The following PIK3CD variants were observed in gnomAD, a reference collection of about 807,000 sequenced individuals.
PIK3CD encodes the protein phosphatidylinositol-4,5-bisphosphate 3-kinase catalytic subunit delta, also known as phosphatidylinositol 4,5-bisphosphate 3-kinase catalytic subunit delta isoform.
PIK3CD carries 20 observed loss-of-function variants against 122.9 expected under a neutral mutation model. The observed-to-expected ratio is 0.16, with a 90% CI of 0.11 to 0.24. PIK3CD has a LOEUF of 0.24. Ranked by LOEUF, PIK3CD falls within the 10% of genes least tolerant of loss-of-function variation. PIK3CD has a pLI of 1.00. For synonymous variants in PIK3CD, 596 were observed against 593.4 expected, an observed-to-expected ratio of 1.00 and a Z score of -0.06; for missense variants, 787 against 1,406.3, an observed-to-expected ratio of 0.56 and a Z score of 7.04.
chr1:9,666,227 CTTTTTTT>C (rs573382597), intron 1 of PIK3CD, among the ~76,000 whole-genome samples: 4 of 44,200 alleles, frequency 9.0e-5, no homozygotes, highest in East Asian at 1.1e-3. Flanking sequence ...CGCGCCCGGT[CTTTTTTT>C]TTTTTTTTTT....
chr1:9,722,245 G>A lies in PIK3CD; in HGVS notation c.2236G>A (p.Val746Met). Residue 746 changes from valine (V) to methionine (M), a missense_variant and splice_region_variant, in exon 18 of 24, where the codon GTG (valine) becomes ATG (methionine). Transcript: ENST00000377346. The surrounding 1 kb of genome is among the most constrained non-coding windows in gnomAD (Gnocchi z 7.6). ...DPSTLLAEVCVEQCTFMDSKM... is the reference protein window; with the variant it reads ...DPSTLLAEVCMEQCTFMDSKM... ...ACTGCCCGCTCTCTGGCCTGGCAGC[G>A]TGGAGCAGTGCACCTTCATGGACTC... The A allele has an allele frequency of 1.2e-6, 2 of 1,612,842 alleles. No homozygotes were observed. The highest frequency in any genetic ancestry group is 1.7e-6 in the Non-Finnish European group (2 of 1,179,532).
chr1:9,675,954 G>A (rs1326540140), intron 1 of PIK3CD, among the ~76,000 whole-genome samples: 20 of 140,254 alleles, frequency 1.4e-4, no homozygotes, highest in African/African-American at 5.2e-4. Flanking sequence ...TTTTTGAGAC[G>A]AAGTCTTGCT....
At chr1:9,684,966 CAGGA>C (rs1409983655) in intron 1 of PIK3CD, among the ~76,000 whole-genome samples, 1 of 151,462 alleles carries the variant, frequency 6.6e-6, no homozygotes, top group East Asian at 1.9e-4. Flanking sequence ...GTCACAAACT[CAGGA>C]AGCCTCAATT....
chr1:9,691,692 T>G (rs1334621176), intron 2 of PIK3CD, 121 bp downstream of exon 2: 2 of 393,196 alleles, frequency 5.1e-6, no homozygotes, highest in African/African-American at 4.1e-5. Flanking sequence ...AAGACTTCTC[T>G]GTAGGACTAG....
In PIK3CD at chr1:9,721,142, T is replaced by C; in HGVS notation, c.1705T>C (p.Cys569Arg). ...EDVAQMLYLL[C>R]SWPELPVLSA... is the part of the protein sequence containing the mutation. Reference sequence around the variant, plus strand: ...CTCCCCCCAGATGCTCTACCTGCTGTGCTCCTGGCCGGAGCTGCCCGTCCT... The same window carrying C: ...CTCCCCCCAGATGCTCTACCTGCTGCGCTCCTGGCCGGAGCTGCCCGTCCT... Residue 569 changes from cysteine to arginine, a missense_variant, in exon 14 of 24, where the codon TGC becomes CGC. By Grantham distance (180) the Cys-to-Arg change is radical. This residue lies in a region of PIK3CD where 592 missense variants were observed against 920.6 expected (regional missense o/e 0.64). Transcript: ENST00000377346. 2 of 1,612,320 alleles carry C rather than the reference T, an allele frequency of 1.2e-6. No individual in the cohort carries two copies. Among genetic ancestry groups the C allele is most frequent in the South Asian group, 1.1e-5 (1 of 91,078 alleles).
Position 9,716,092 on chromosome 1 carries a change from T to A in PIK3CD, c.600+14T>A. 2 of 1,601,262 alleles carry A rather than the reference T, an allele frequency of 1.2e-6. No individual in the cohort carries two copies. The highest frequency in any genetic ancestry group is 1.7e-6 in the Non-Finnish European group (2 of 1,171,124). On this transcript the variant is annotated intron_variant, in intron 5 of 23. Transcript: ENST00000377346. ...GAGGGCAGCGAGGTGAGCCCATGCG[T>A]GGCCTGCGGCATCCAGGCTGCTCTG...
chr1:9,714,824 C>A (rs919293830), intron 3 of PIK3CD, among the ~76,000 whole-genome samples: 6 of 152,088 alleles, frequency 3.9e-5, no homozygotes, highest in African/African-American at 1.4e-4. Flanking sequence ...ATGGAGAATT[C>A]TCTTTGGGCC....
chr1:9,692,805 G>A (rs1176981600), intron 2 of PIK3CD, among the ~76,000 whole-genome samples: 3 of 152,140 alleles, frequency 2.0e-5, no homozygotes, highest in African/African-American at 4.8e-5. Flanking sequence ...AACAGCCACT[G>A]TAAGAGAAAC....
At position 9,718,552 on chromosome 1, in the gene PIK3CD, T is replaced by C. The variant is rs995617672; in HGVS notation, c.1021-142T>C. On this transcript the variant is annotated intron_variant, in intron 8 of 23. Coordinates refer to ENST00000377346, the MANE Select transcript of PIK3CD (RefSeq NM_005026.5). The surrounding 1 kb of genome is among the most constrained non-coding windows in gnomAD (Gnocchi z 7.2). ...CCGCTCATGCCCCTCAGGCCTTCCCTGTGCTGCACCACCTTCCTTCGTGTG... is the reference window on the plus strand; with the variant it reads ...CCGCTCATGCCCCTCAGGCCTTCCCCGTGCTGCACCACCTTCCTTCGTGTG... The C allele has an allele frequency of 2.4e-6, 2 of 824,044 alleles. No homozygotes were observed. The highest frequency in any genetic ancestry group is 4.0e-6 in the Non-Finnish European group (2 of 500,026). 51.0% of individuals were successfully genotyped at this position (824,044 alleles called of 1,614,324 possible). A position where few individuals can be genotyped will look rare whatever the true frequency, so the allele number is the denominator to read the frequency against.
At chr1:9,709,611 G>A (rs1025199157) in intron 2 of PIK3CD, among the ~76,000 whole-genome samples, 19 of 151,932 alleles carry the variant, frequency 1.3e-4, no homozygotes, top group African/African-American at 4.1e-4. Context: ...AGGGTGAGAT[G>A]GGAACATCGC....
chr1:9,646,961 A>AT (rs781387311), upstream of PIK3CD, among the ~76,000 whole-genome samples: 487 of 150,908 alleles, frequency 3.2e-3, 5 homozygotes, highest in East Asian at 0.02. Context: ...AAAAAAAAAA[A>AT]TTAGCTGGGC....
In PIK3CD at chr1:9,720,476, G is replaced by C. The variant is rs1256343452; in HGVS notation, c.1471-135G>C. 2 of 1,493,368 alleles carry C rather than the reference G, an allele frequency of 1.3e-6. No individual in the cohort carries two copies. Among genetic ancestry groups the C allele is most frequent in the Admixed American group, 2.2e-5 (1 of 46,362 alleles). 92.5% of individuals were successfully genotyped at this position (1,493,368 alleles called of 1,614,324 possible). A position where few individuals can be genotyped will look rare whatever the true frequency, so the allele number is the denominator to read the frequency against. On this transcript the variant is annotated intron_variant, in intron 11 of 23. Transcript: ENST00000377346. The surrounding 1 kb of genome is among the most constrained non-coding windows in gnomAD (Gnocchi z 9.0). ...CTTGGCATCTCGTGAGTGGAGGCCA[G>C]AGCTGCTGTGGATGCGCCTCCATGC... is the stretch of plus-strand genomic sequence containing the variant.
intron 3 of PIK3CD, among the ~76,000 whole-genome samples, chr1:9,712,573 A>G (rs1647100511): frequency 6.6e-6 from 1 of 152,022 alleles, no homozygotes; most frequent in Non-Finnish European, 1.5e-5. Flanking sequence ...GAGCCATGGC[A>G]CCCGGCCCTT....
intron 1 of PIK3CD, among the ~76,000 whole-genome samples, chr1:9,678,557 A>C (rs1257510503): frequency 6.6e-6 from 1 of 152,208 alleles, no homozygotes; most frequent in African/African-American, 2.4e-5. Flanking sequence ...GAAAACCTGC[A>C]GAAAAGCATG....
At chr1:9,670,399 G>A (rs1222824819) in intron 1 of PIK3CD, among the ~76,000 whole-genome samples, 2 of 152,156 alleles carry the variant, frequency 1.3e-5, no homozygotes, top group African/African-American at 4.8e-5. Flanking sequence ...ATATGTGATA[G>A]TTTCCTAAGA....
In PIK3CD at chr1:9,720,233, C is replaced by T. The variant is rs977705628; in HGVS notation, c.1461C>T (p.Ala487=). ...EVAPHPVYYP[A]LEKILELGRH... is the part of the protein sequence containing the mutation. ...CCCCGCACCCCGTGTACTACCCCGC[C>T]CTGGAGAAGGTCAGTGGGGGCCCCG... Residue 487 remains alanine, a synonymous_variant, in exon 11 of 24, where the codon GCC becomes GCT. Coordinates refer to ENST00000377346, the MANE Select transcript of PIK3CD (RefSeq NM_005026.5). This position sits in a 1 kb window ranked among gnomAD's most constrained non-coding sequence, Gnocchi z 9.0. 2 of 1,606,040 alleles carry T rather than the reference C, an allele frequency of 1.2e-6. No individual in the cohort carries two copies. Among genetic ancestry groups the T allele is most frequent in the Non-Finnish European group, 1.7e-6 (2 of 1,174,692 alleles).
rs748034214 is a variant in PIK3CD at position 9,723,323 on chromosome 1, C to T, written c.2594+31C>T. 3.1e-6 allele frequency: 5 copies of T among 1,611,516 alleles called. No individual in the cohort carries two copies. The highest frequency in any genetic ancestry group is 2.2e-5 in the South Asian group (2 of 91,034). On this transcript the variant is annotated intron_variant, in intron 20 of 23. Transcript: ENST00000377346. The surrounding 1 kb of genome is among the most constrained non-coding windows in gnomAD (Gnocchi z 4.9). ...TTTCAGGCCCAGGGATAGGTTCCCT[C>T]TCCTTTCCAAGAGGTGTGGAGTGGG...
At chr1:9,712,256 C>G (rs558431815) in intron 3 of PIK3CD, among the ~76,000 whole-genome samples, 18 of 152,048 alleles carry the variant, frequency 1.2e-4, no homozygotes, top group African/African-American at 4.3e-4. Context: ...AGGGCAGGAC[C>G]TTATCCCAGA....
At chr1:9,716,669 G>T in intron 6 of PIK3CD, 50 bp downstream of exon 6, 1 of 1,519,898 alleles carries the variant, frequency 6.6e-7, no homozygotes, top group Non-Finnish European at 8.9e-7. Context: ...GCCCTGGATA[G>T]GGCCTGGGTG....
Sources: gnomAD v4.1 joint callset for allele counts (sites outside exome capture counted in the v4.1 genomes callset) on GRCh38, gnomAD v4.1.1 for gene constraint, gnomAD v4.1.1 regional missense constraint, Gnocchi (gnomAD v3.1) non-coding constraint, MANE v1.5 for transcripts, NCBI Gene and HGNC (gene_info 2026-07-23, HGNC 2026-07-21) for gene names.